The following FOXP2 variants were observed in gnomAD, a reference collection of about 807,000 sequenced individuals.
FOXP2 encodes the protein forkhead box protein P2.
In FOXP2, 12 loss-of-function variants were observed where a neutral mutation model predicts 115.8. The ratio of observed to expected loss-of-function variants is 0.10; its 90% CI spans 0.07 to 0.17. The LOEUF (loss-of-function observed/expected upper bound fraction) is 0.17. Ranked by LOEUF, FOXP2 falls within the 10% of genes least tolerant of loss-of-function variation. FOXP2 has a pLI of 1.00. For missense variants in FOXP2, 629 were observed against 843.5 expected (o/e 0.75, Z 3.15); for synonymous variants, 328 against 297.7 (o/e 1.10, Z -1.05).
chr7:114,482,043 T>C (rs1446813407), intron 2 of FOXP2, among the ~76,000 whole-genome samples: 4 of 151,346 alleles, frequency 2.6e-5, no homozygotes, highest in African/African-American at 9.7e-5. Context: ...TTCCTCCTAG[T>C]TGGCAGGGTC....
chr7:114,629,864 G>A lies in FOXP2; in HGVS notation c.456G>A (p.Gln152=). 6.2e-7 allele frequency: 1 copy of A among 1,608,284 alleles called. No individual in the cohort carries two copies. Among genetic ancestry groups the A allele is most frequent in the South Asian group, 1.1e-5 (1 of 90,732 alleles). ...AGCAGTTACATCTTCAGCTTTTGCAGCAGCAGCAGCAACAGCAGCAGCAGC... is the reference window on the plus strand; with the variant it reads ...AGCAGTTACATCTTCAGCTTTTGCAACAGCAGCAGCAACAGCAGCAGCAGC... ...QQEQLHLQLL[Q]QQQQQQQQQQ... Residue 152 remains glutamine (Q), a synonymous_variant, in exon 5 of 17, where the codon CAG becomes CAA. Coordinates refer to ENST00000350908, the MANE Select transcript of FOXP2 (RefSeq NM_014491.4).
intron 1 of FOXP2, among the ~76,000 whole-genome samples, chr7:114,221,648 C>CA (rs1408488627): frequency 6.6e-6 from 1 of 152,112 alleles, no homozygotes; most frequent in Non-Finnish European, 1.5e-5. Context: ...GGGCTGTATA[C>CA]TGTACTAAAG....
chr7:114,424,039 A>G (rs1247390884), intron 1 of FOXP2, among the ~76,000 whole-genome samples: 2 of 151,570 alleles, frequency 1.3e-5, no homozygotes, highest in African/African-American at 4.8e-5. Context: ...TGTAAATAAC[A>G]GTTTATACTG....
At chr7:114,624,369 C>A (rs1490968358) in intron 3 of FOXP2, among the ~76,000 whole-genome samples, 1 of 151,824 alleles carries the variant, frequency 6.6e-6, no homozygotes, top group African/African-American at 2.4e-5. Context: ...GATCTGTGAA[C>A]CACTAGTTGG....
At chr7:114,155,924 T>C (rs1792655313) in intron 1 of FOXP2, among the ~76,000 whole-genome samples, 1 of 152,172 alleles carries the variant, frequency 6.6e-6, no homozygotes, top group Non-Finnish European at 1.5e-5. Flanking sequence ...CCTTCTCCGC[T>C]GACTCTTCCC....
At chr7:114,094,671 T>C (rs151196709) in intron 1 of FOXP2, among the ~76,000 whole-genome samples, 3 of 152,272 alleles carry the variant, frequency 2.0e-5, no homozygotes, top group Non-Finnish European at 4.4e-5. Flanking sequence ...ATTTTTACTT[T>C]TTTCTTTTGA....
intron 2 of FOXP2, among the ~76,000 whole-genome samples, chr7:114,493,908 G>A (rs1004541124): frequency 6.6e-6 from 1 of 151,248 alleles, no homozygotes; most frequent in African/African-American, 2.4e-5. Flanking sequence ...GTTACCATAA[G>A]AAGAAATTAT....
chr7:114,338,857 T>C (rs1245233483), intron 2 of FOXP2, among the ~76,000 whole-genome samples: 1 of 150,872 alleles, frequency 6.6e-6, no homozygotes, highest in Admixed American at 6.6e-5. Context: ...TTTGCCATAA[T>C]CACCAGGTGT....
chr7:114,215,560 A>T (rs547251732), intron 1 of FOXP2, among the ~76,000 whole-genome samples: 1 of 152,236 alleles, frequency 6.6e-6, no homozygotes, highest in East Asian at 1.9e-4. Context: ...ATAGTCTGAA[A>T]TCCATGATAA....
chr7:114,459,328 T>C (rs1013141097), intron 2 of FOXP2, among the ~76,000 whole-genome samples: 10 of 152,226 alleles, frequency 6.6e-5, no homozygotes, highest in African/African-American at 2.4e-4. Flanking sequence ...TGAGCTGCCA[T>C]GGTATCCTTT....
chr7:114,166,788 G>A (rs907279127), intron 1 of FOXP2, among the ~76,000 whole-genome samples: 2 of 152,066 alleles, frequency 1.3e-5, no homozygotes, highest in African/African-American at 4.8e-5. Context: ...CCTAACTAAA[G>A]AAGATTTACA....
chr7:114,436,462 ATAATTAATG>A (rs1399502319), intron 2 of FOXP2, among the ~76,000 whole-genome samples: 6 of 151,446 alleles, frequency 4.0e-5, no homozygotes. Flanking sequence ...CTAAATAAAA[ATAATTAATG>A]TAATTATTTT....
intron 1 of FOXP2, among the ~76,000 whole-genome samples, chr7:114,281,395 C>T (rs1796334582): frequency 6.6e-6 from 1 of 152,032 alleles, no homozygotes; most frequent in Admixed American, 6.6e-5. Context: ...GCCACCGTGC[C>T]TGGCCTGAAA....
At chr7:114,409,483 A>G (rs145903983), upstream of FOXP2, among the ~76,000 whole-genome samples, 1,096 of 152,282 alleles carry the variant, frequency 7.2e-3, 14 homozygotes, top group African/African-American at 0.025. Flanking sequence ...CTTTTAAAAA[A>G]GCAAGTTATT....
chr7:114,651,641 G>T (rs989839548), intron 8 of FOXP2, among the ~76,000 whole-genome samples: 1 of 152,046 alleles, frequency 6.6e-6, no homozygotes, highest in Non-Finnish European at 1.5e-5. Flanking sequence ...TGTCAATCTT[G>T]TTATTCTAAT....
At chr7:114,552,280 C>T (rs1800246223) in intron 3 of FOXP2, among the ~76,000 whole-genome samples, 1 of 152,128 alleles carries the variant, frequency 6.6e-6, no homozygotes, top group African/African-American at 2.4e-5. Flanking sequence ...AGAGATAAGC[C>T]TCTGTGCTAT....
chr7:114,202,835 C>T (rs1317438113), intron 1 of FOXP2, among the ~76,000 whole-genome samples: 3 of 152,144 alleles, frequency 2.0e-5, no homozygotes, highest in African/African-American at 7.2e-5. Context: ...AATAGGAACT[C>T]AATAAATTTT....
chr7:114,635,689 C>G (rs758010989), intron 6 of FOXP2, among the ~76,000 whole-genome samples: 33 of 152,026 alleles, frequency 2.2e-4, no homozygotes, highest in Non-Finnish European at 4.0e-4. Context: ...ATTTTGTGAA[C>G]TAGAATGTAT....
rs369103102 is a variant in FOXP2 at position 114,104,625 on chromosome 7, C to T, written c.-247+16787C>T. 3.3e-5 allele frequency among the ~76,000 whole-genome samples: 5 copies of T among 152,052 alleles called. No homozygotes were observed. The South Asian group carries it at 1.0e-3, about 32-fold the overall frequency. ...TCAGTCATGTTTTCCAACAAGAACA[C>T]TTAATCATTTTAACTAGTTATTAAT... On this transcript the variant is annotated intron_variant, in intron 1 of 19. Transcript: ENST00000635638.
Sources: allele counts gnomAD v4.1 joint callset (sites outside exome capture counted in the v4.1 genomes callset), GRCh38; gene constraint gnomAD v4.1.1; transcripts MANE v1.5; gene names NCBI Gene and HGNC (gene_info 2026-07-23, HGNC 2026-07-21).